PMF1: variants seen among roughly 807,000 people sequenced by gnomAD.
PMF1 encodes the protein polyamine modulated factor 1.
A neutral mutation model predicts 26.7 loss-of-function variants in PMF1; 21 were observed. The observed-to-expected ratio is 0.79, with a 90% CI of 0.56 to 1.13. The LOEUF is 1.13. PMF1 is among the 50% of genes most tolerant of loss of function. PMF1 has a pLI of 0.00. For missense variants in PMF1, 266 were observed against 254.9 expected, an observed-to-expected ratio of 1.04 and a Z score of -0.30; for synonymous variants, 105 against 101.0, an observed-to-expected ratio of 1.04 and a Z score of -0.24.
chr1:156,225,282 CTTTTTTTTTTTT>C lies in PMF1; in HGVS notation c.162-7023_162-7012del, dbSNP rs58481427. On this transcript the variant is annotated intron_variant, in intron 1 of 4. Transcript: ENST00000368277. Reference sequence around the variant, plus strand: ...GAATTTCTGTCACTCCAGTCCTCAGCTTTTTTTTTTTTTTTTTTTTTTTTTTAATTTCAGTAG... The same window carrying C: ...GAATTTCTGTCACTCCAGTCCTCAGCTTTTTTTTTTTTTTAATTTCAGTAG... 1.3e-4 allele frequency among the ~76,000 whole-genome samples: 9 copies of C among 71,712 alleles called. No individual in the cohort carries two copies. The East Asian group carries it at 3.0e-3, about 24-fold the overall frequency. The allele number at this position is 71,712 out of a possible 152,430, so 47.0% of individuals were successfully genotyped here.
chr1:156,213,503 G>A (rs1431900782), intron 1 of PMF1, among the ~76,000 whole-genome samples: 1 of 152,306 alleles, frequency 6.6e-6, no homozygotes, highest in African/African-American at 2.4e-5. Flanking sequence ...ATAGGGCCTT[G>A]CGTTGTCGCC....
chr1:156,234,429 A>T (rs1658892087), intron 3 of PMF1, among the ~76,000 whole-genome samples: 1 of 140,912 alleles, frequency 7.1e-6, no homozygotes, highest in Admixed American at 6.9e-5. Flanking sequence ...GGTGTAGATG[A>T]GGCTGGTGGG....
intron 1 of PMF1, among the ~76,000 whole-genome samples, chr1:156,222,226 A>G (rs1386185972): frequency 3.3e-5 from 5 of 152,160 alleles, no homozygotes. Flanking sequence ...GCTCTTCTGC[A>G]CCAAGTGCTG....
chr1:156,222,117 A>T (rs1338546390), intron 1 of PMF1, among the ~76,000 whole-genome samples: 2 of 152,176 alleles, frequency 1.3e-5, no homozygotes, highest in African/African-American at 4.8e-5. Flanking sequence ...CACAGTGTAC[A>T]AGGCCATTCC....
At chr1:156,215,119 A>G (rs1657631878) in intron 1 of PMF1, among the ~76,000 whole-genome samples, 1 of 151,660 alleles carries the variant, frequency 6.6e-6, no homozygotes, top group African/African-American at 2.4e-5. Context: ...CAAGCGATCC[A>G]CTCACCTCTG....
At position 156,239,916 on chromosome 1, in the gene PMF1, T is replaced by C; in HGVS notation, c.*315T>C. ...CCCCCTCCTGCTGGTTCCCCAGCCCTTTTCCCTGGCCCTGGCTTGGAGAAT... is the reference window on the plus strand; with the variant it reads ...CCCCCTCCTGCTGGTTCCCCAGCCCCTTTCCCTGGCCCTGGCTTGGAGAAT... On this transcript the variant is annotated 3_prime_UTR_variant, in exon 5 of 5. Coordinates refer to ENST00000368277, the MANE Select transcript of PMF1 (RefSeq NM_007221.4). The C allele has an allele frequency of 1.5e-5, 5 of 341,418 alleles. No homozygotes were observed. The highest frequency in any genetic ancestry group is 5.7e-5 in the South Asian group (1 of 17,564). The allele number at this position is 341,418 out of a possible 1,614,324, so 21.1% of individuals were successfully genotyped here.
intron 3 of PMF1, 96 bp from the exon 4 acceptor site, chr1:156,236,192 G>A (rs1382764770): frequency 6.6e-7 from 1 of 1,513,598 alleles, no homozygotes. Flanking sequence ...CTTGGGACAA[G>A]GTGGGCATGT....
chr1:156,219,997 T>C (rs1296217993), intron 1 of PMF1, among the ~76,000 whole-genome samples: 1 of 148,762 alleles, frequency 6.7e-6, no homozygotes, highest in Non-Finnish European at 1.5e-5. Flanking sequence ...GGAGTCTGGC[T>C]CTGTTGCCCA....
In PMF1 at chr1:156,232,401, A is replaced by T. The variant is rs1339850190; in HGVS notation, c.243A>T (p.Ile81=). 6.2e-7 allele frequency: 1 copy of T among 1,613,932 alleles called. No homozygotes were observed. Among genetic ancestry groups the T allele is most frequent in the Non-Finnish European group, 8.5e-7 (1 of 1,179,840 alleles). Residue 81 remains isoleucine (I), a synonymous_variant, in exon 2 of 5, where the codon ATA becomes ATT. Transcript: ENST00000368277. ...CACAGCAAATCTATGACAAGTTTATAGCTCAGTTGCAGACATCTATCCGGG... is the reference window on the plus strand; with the variant it reads ...CACAGCAAATCTATGACAAGTTTATTGCTCAGTTGCAGACATCTATCCGGG... The part of the protein sequence containing the change: ...AMTQQIYDKF[I]AQLQTSIREE...
Position 156,213,083 on chromosome 1 carries a change from C to T in PMF1, c.68C>T (p.Ser23Leu). ...GAAAAAAGGCATGAGGGGTCGTCTT[C>T]GGAATCTGTGCCACCCGGCACTACC... ...CEEKRHEGSSSESVPPGTTIS... is the reference protein window; with the variant it reads ...CEEKRHEGSSLESVPPGTTIS... The change falls in exon 1 of 5, where the codon TCG becomes TTG. Residue 23 changes from serine to leucine, a missense_variant. Transcript: ENST00000368277. 1 of 1,614,232 alleles carries T rather than the reference C, an allele frequency of 6.2e-7. No individual in the cohort carries two copies. The highest frequency in any genetic ancestry group is 8.5e-7 in the Non-Finnish European group (1 of 1,180,018).
At chr1:156,227,704 G>T (rs930949205) in intron 1 of PMF1, among the ~76,000 whole-genome samples, 2 of 151,152 alleles carry the variant, frequency 1.3e-5, no homozygotes, top group African/African-American at 2.4e-5. Flanking sequence ...CTCCATTTTG[G>T]TCAGGCTGGT....
intron 4 of PMF1, among the ~76,000 whole-genome samples, chr1:156,239,080 GCT>G (rs1353722109): frequency 6.6e-6 from 1 of 152,140 alleles, no homozygotes; most frequent in African/African-American, 2.4e-5. Context: ...GGCCTCACCA[GCT>G]CTGAGATTCA....
chr1:156,239,444 T>C, intron 4 of PMF1, 104 bp from the exon 5 acceptor site: 1 of 855,788 alleles, frequency 1.2e-6, no homozygotes, highest in Admixed American at 1.9e-5. Flanking sequence ...ACTCCATCCA[T>C]ATTGTCCTGG....
intron 2 of PMF1, 137 bp from the exon 3 acceptor site, chr1:156,233,491 A>T: frequency 1.3e-6 from 1 of 794,564 alleles, no homozygotes; most frequent in Non-Finnish European, 2.0e-6. Context: ...CATGTAGAAA[A>T]GTTGGAATGT....
intron 2 of PMF1, 62 bp from the exon 3 acceptor site, chr1:156,233,566 T>C (rs1341294242): frequency 5.8e-6 from 9 of 1,541,770 alleles, no homozygotes; most frequent in African/African-American, 5.5e-5. Flanking sequence ...GTCAGCAGTT[T>C]AGCATATTTT....
chr1:156,220,673 T>TC (rs1658032227), intron 1 of PMF1: 1 of 152,176 alleles, frequency 6.6e-6, no homozygotes, highest in Non-Finnish European at 1.5e-5. Flanking sequence ...TTATTTTTTT[T>TC]CAGACGGAGT....
intron 1 of PMF1, among the ~76,000 whole-genome samples, chr1:156,227,062 G>A (rs560341705): frequency 6.6e-6 from 1 of 152,196 alleles, no homozygotes; most frequent in South Asian, 2.1e-4. Flanking sequence ...AGTCTACAGA[G>A]CGTCTTACAT....
At chr1:156,219,464 A>G (rs1657960302) in intron 1 of PMF1, among the ~76,000 whole-genome samples, 1 of 152,230 alleles carries the variant, frequency 6.6e-6, no homozygotes, top group South Asian at 2.1e-4. Flanking sequence ...CTCCTAGCCC[A>G]CTATGTCCCT....
chr1:156,226,204 C>G (rs1181238942), intron 1 of PMF1, among the ~76,000 whole-genome samples: 1 of 152,156 alleles, frequency 6.6e-6, no homozygotes, highest in Non-Finnish European at 1.5e-5. Context: ...CAGGGTCTCA[C>G]TATGTTGCCC....
Sources: allele counts gnomAD v4.1 joint callset (sites outside exome capture counted in the v4.1 genomes callset), GRCh38; gene constraint gnomAD v4.1.1; transcripts MANE v1.5; gene names NCBI Gene and HGNC (gene_info 2026-07-23, HGNC 2026-07-21).